RPL18A: variants seen among roughly 807,000 people sequenced by gnomAD.
RPL18A encodes large ribosomal subunit protein eL20.
For synonymous variants in RPL18A, 122 were observed against 96.9 expected, an observed-to-expected ratio of 1.26 and a Z score of -1.52; for missense variants, 163 against 254.1, an observed-to-expected ratio of 0.64 and a Z score of 2.44.
At chr19:17,860,166 C>A (rs966378886) in intron 1 of RPL18A, 192 bp downstream of exon 1, 1 of 539,432 alleles carries the variant, frequency 1.9e-6, no homozygotes, top group African/African-American at 2.0e-5. Context: ...CGATGCGTGA[C>A]CTGGGCCAGC....
At chr19:17,860,106 C>T (rs982217001) in intron 1 of RPL18A, 132 bp downstream of exon 1, 285 of 759,510 alleles carry the variant, frequency 3.8e-4, no homozygotes, top group Non-Finnish European at 5.1e-4. Context: ...GCGCCGCCTT[C>T]TCTTGTTGCA....
At chr19:17,860,125 G>A (rs1201915915) in intron 1 of RPL18A, 151 bp downstream of exon 1, 2 of 657,526 alleles carry the variant, frequency 3.0e-6, no homozygotes, top group African/African-American at 3.9e-5. Flanking sequence ...CACCCAACAT[G>A]GCGGCCATCG....
chr19:17,860,204 C>T, intron 1 of RPL18A: 2 of 507,946 alleles, frequency 3.9e-6, no homozygotes, highest in East Asian at 3.5e-5. Context: ...CCAAGGACTC[C>T]GGGTCTTCTT....
At chr19:17,860,251 C>A in intron 1 of RPL18A, 1 of 435,026 alleles carries the variant, frequency 2.3e-6, no homozygotes, top group Non-Finnish European at 4.1e-6. Context: ...CATAGAGGCC[C>A]TAGCCCCGGC....
Position 17,862,763 on chromosome 19 carries a change from C to T in RPL18A, c.329-155C>T, listed in dbSNP as rs145070839. 2.2e-4 allele frequency: 165 copies of T among 759,412 alleles called. 1 individual carries two copies. Among genetic ancestry groups the T allele is most frequent in the South Asian group, 1.1e-3 (81 of 73,166 alleles). 47.0% of individuals were successfully genotyped at this position (759,412 alleles called of 1,614,324 possible). A position where few individuals can be genotyped will look rare whatever the true frequency, so the allele number is the denominator to read the frequency against. On this transcript the variant is annotated intron_variant, in intron 3 of 4. Transcript: ENST00000222247. Reference sequence around the variant, plus strand: ...CAGGGACCCAGGCCTTGGGCTATCTCGCTTCCCCACCACCACCTTCCCGTG... The same window carrying T: ...CAGGGACCCAGGCCTTGGGCTATCTTGCTTCCCCACCACCACCTTCCCGTG...
In RPL18A at chr19:17,861,325, G is replaced by A; in HGVS notation, c.51G>A (p.Leu17=). The change falls in exon 2 of 5, where the codon CTG becomes CTA. Residue 17 remains leucine, a synonymous_variant. Transcript: ENST00000222247. ...LREYKVVGRC[L]PTPKCHTPPL... is the part of the protein sequence containing the mutation. ...AGTACAAGGTAGTGGGTCGCTGCCT[G>A]CCCACCCCCAAATGCCACACGCCGC... The A allele has an allele frequency of 1.2e-6, 2 of 1,613,730 alleles. No homozygotes were observed.
In RPL18A at chr19:17,862,156, G is replaced by A; in HGVS notation, c.261G>A (p.Arg87=). Residue 87 remains arginine (R), a synonymous_variant, in exon 3 of 5, where the codon CGG becomes CGA. Transcript: ENST00000222247. ...NFGIWLRYDS[R]SGTHNMYREY... Reference sequence around the variant, plus strand: ...GGATCTGGCTGCGCTATGACTCCCGGAGCGGCACCCACAACATGTACCGGG... The same window carrying A: ...GGATCTGGCTGCGCTATGACTCCCGAAGCGGCACCCACAACATGTACCGGG... The A allele has an allele frequency of 6.2e-7, 1 of 1,612,962 alleles. No individual in the cohort carries two copies. Among genetic ancestry groups the A allele is most frequent in the South Asian group, 1.1e-5 (1 of 91,026 alleles).
At chr19:17,861,523 G>GGGACATCGTGCATCTCAAGAATTAATC in intron 2 of RPL18A, 51 bp downstream of exon 2, 1 of 1,388,800 alleles carries the variant, frequency 7.2e-7, no homozygotes. Context: ...TGCGCCTCTT[G>GGGACATCGTGCATCTCAAGAATTAATC]GGACATCGTG....
rs377595196 is a variant in RPL18A, at chr19:17,863,119, A to T, written c.439-52A>T. 27 of 1,550,296 alleles carry T rather than the reference A, an allele frequency of 1.7e-5. No homozygotes were observed. The African/African-American group carries it at 3.3e-4, about 19-fold the overall frequency. Reference sequence around the variant, plus strand: ...GGCTACACCTTGGTGGCCCCACAGGATGGGGTGTTAAGAGGCTTCCAACCC... The same window carrying T: ...GGCTACACCTTGGTGGCCCCACAGGTTGGGGTGTTAAGAGGCTTCCAACCC... On this transcript the variant is annotated intron_variant, in intron 4 of 4. Transcript: ENST00000222247.
rs118062438 is a variant in RPL18A at position 17,860,347 on chromosome 19, A to G, written c.18+373A>G. 3.1e-4 allele frequency: 83 copies of G among 264,720 alleles called. 2 individuals are homozygous for G. In the East Asian group the frequency reaches 6.9e-3, roughly 22 times the overall value. The allele number at this position is 264,720 out of a possible 1,614,324, so 16.4% of individuals were successfully genotyped here. A position where few individuals can be genotyped will look rare whatever the true frequency, so the allele number is the denominator to read the frequency against. ...AATAGTGTGTTTTCTTTCTGCCGGA[A>G]TGGCTGTGAGAAGCAGATGAAAATT... On this transcript the variant is annotated intron_variant, in intron 1 of 4. Coordinates refer to ENST00000222247, the MANE Select transcript of RPL18A (RefSeq NM_000980.4).
intron 3 of RPL18A, chr19:17,862,713 C>G (rs754474691): frequency 1.3e-6 from 1 of 761,852 alleles, no homozygotes; most frequent in Non-Finnish European, 2.4e-6. Flanking sequence ...TTTGGAGGTT[C>G]CACAACTCTA....
chr19:17,860,472 C>G (rs777478862), intron 1 of RPL18A, among the ~76,000 whole-genome samples: 4 of 152,304 alleles, frequency 2.6e-5, no homozygotes, highest in African/African-American at 7.2e-5. Context: ...AGAACCTGGA[C>G]TCCCATGGAG....
Position 17,860,166 on chromosome 19 carries a change from CCTG to C in RPL18A, c.18+193_18+195del, listed in dbSNP as rs1377891065. The C allele has an allele frequency of 1.7e-5, 9 of 539,432 alleles. No homozygotes were observed. In the African/African-American group the frequency reaches 1.8e-4, roughly 11 times the overall value. The allele number at this position is 539,432 out of a possible 1,614,324, so 33.4% of individuals were successfully genotyped here. ...GCCGCGTGGAGAGAGCGATGCGTGA[CCTG>C]GGCCAGCTCAGGGATCGCGGGGGCC... On this transcript the variant is annotated intron_variant, in intron 1 of 4. Coordinates refer to ENST00000222247, the MANE Select transcript of RPL18A (RefSeq NM_000980.4).
chr19:17,861,464 T>C lies in RPL18A; in HGVS notation c.190T>C (p.Cys64Arg), dbSNP rs1240181167. ...MKKSSGEIVY[C>R]GQVFEKSPLR... is the part of the protein sequence containing the mutation. ...GAAGTCTTCAGGGGAGATTGTCTACTGTGGGCAGGTATGGAGAGGCCGGGG... is the reference window on the plus strand; with the variant it reads ...GAAGTCTTCAGGGGAGATTGTCTACCGTGGGCAGGTATGGAGAGGCCGGGG... Residue 64 changes from cysteine to arginine, a missense_variant, in exon 2 of 5, where the codon TGT becomes CGT. Cys to Arg is a radical substitution (Grantham distance 180, BLOSUM62 -3). Coordinates refer to ENST00000222247, the MANE Select transcript of RPL18A (RefSeq NM_000980.4). 6.3e-7 allele frequency: 1 copy of C among 1,591,906 alleles called. No individual in the cohort carries two copies. The highest frequency in any genetic ancestry group is 8.6e-7 in the Non-Finnish European group (1 of 1,166,138).
chr19:17,860,941 A>G (rs1397835617), intron 1 of RPL18A: 1 of 289,846 alleles, frequency 3.5e-6, no homozygotes, highest in African/African-American at 2.2e-5. Flanking sequence ...TTTGAGGTGC[A>G]GAGTGGCTGT....
At chr19:17,861,493 C>A in intron 2 of RPL18A, 21 bp downstream of exon 2, 1 of 1,556,516 alleles carries the variant, frequency 6.4e-7, no homozygotes, top group East Asian at 2.3e-5. Context: ...GCCGGGGCTA[C>A]GTGGGGTCTG....
Position 17,863,022 on chromosome 19 carries a change from T to C in RPL18A, c.433T>C (p.Phe145Leu). Residue 145 changes from phenylalanine to leucine, a missense_variant, in exon 4 of 5, where the codon TTC (phenylalanine) becomes CTC (leucine). Phe to Leu is a conservative substitution (Grantham distance 22, BLOSUM62 0). Transcript: ENST00000222247. ...SKCRRPAVKQ[F>L]HDSKIKFPLP... The stretch of plus-strand genomic sequence containing the variant: ...GTGCCGCCGGCCGGCTGTCAAGCAG[T>C]TCCACGTGAGTGCCCTGGGGGACTC... The C allele has an allele frequency of 6.2e-7, 1 of 1,610,954 alleles. No individual in the cohort carries two copies. Among genetic ancestry groups the C allele is most frequent in the South Asian group, 1.1e-5 (1 of 90,980 alleles).
chr19:17,861,231 G>GTAGGAA, intron 1 of RPL18A, 62 bp from the exon 2 acceptor site: 1 of 1,477,008 alleles, frequency 6.8e-7, no homozygotes, highest in South Asian at 1.2e-5. Flanking sequence ...GAAAGGGAGT[G>GTAGGAA]AGGTGGATCT....
chr19:17,860,794 A>C, intron 1 of RPL18A: 1 of 155,868 alleles, frequency 6.4e-6, no homozygotes, highest in Admixed American at 6.3e-5. Flanking sequence ...AGGCAGCCGC[A>C]GCTCGCGTGG....
Sources: allele counts gnomAD v4.1 joint callset (sites outside exome capture counted in the v4.1 genomes callset), GRCh38; gene constraint gnomAD v4.1.1; transcripts MANE v1.5; gene names NCBI Gene and HGNC (gene_info 2026-07-23, HGNC 2026-07-21).